The following BLTP1 variants were observed in gnomAD, a reference collection of about 807,000 sequenced individuals.
BLTP1 encodes fragile site-associated protein.
chr4:122,189,209 G>A, the BLTP1 span: 1 of 810,754 alleles, frequency 1.2e-6, no homozygotes, highest in African/African-American at 1.9e-5. Context: ...TAAACATTAA[G>A]CTTTGTGATT....
chr4:122,190,010 T>C, the BLTP1 span: 1 of 1,612,872 alleles, frequency 6.2e-7, no homozygotes, highest in East Asian at 2.2e-5. Context: ...ACCACCGAGA[T>C]TAATGGGAGA....
the BLTP1 span, among the ~76,000 whole-genome samples, chr4:122,278,843 G>A: frequency 6.6e-6 from 1 of 152,092 alleles, no homozygotes; most frequent in Non-Finnish European, 1.5e-5. Context: ...TGTTGCCCAG[G>A]CTGATTTCAA....
chr4:122,301,798 T>A, the BLTP1 span, among the ~76,000 whole-genome samples: 1 of 152,182 alleles, frequency 6.6e-6, no homozygotes. Context: ...TATGCACTTT[T>A]CCAGTTAACT....
At chr4:122,206,823 G>A in the BLTP1 span, among the ~76,000 whole-genome samples, 1 of 151,566 alleles carries the variant, frequency 6.6e-6, no homozygotes, top group Non-Finnish European at 1.5e-5. Flanking sequence ...GGCTATTTGG[G>A]TAGTGGAACA....
the BLTP1 span, among the ~76,000 whole-genome samples, chr4:122,159,559 C>T: frequency 2.0e-5 from 3 of 151,844 alleles, no homozygotes; most frequent in Non-Finnish European, 2.9e-5. Context: ...TTAGCTTTCA[C>T]TTTGTTGTTG....
the BLTP1 span, chr4:122,270,320 G>A: frequency 1.0e-6 from 1 of 978,248 alleles, no homozygotes; most frequent in East Asian, 1.1e-4. Flanking sequence ...CACATTCATA[G>A]TGTGCATGGA....
At chr4:122,271,017 G>T in the BLTP1 span, 1 of 1,580,896 alleles carries the variant, frequency 6.3e-7, no homozygotes, top group African/African-American at 1.4e-5. Flanking sequence ...CACGTTTTTA[G>T]GCAAGGCCAT....
chr4:122,250,523 C>A, the BLTP1 span: 1 of 1,613,712 alleles, frequency 6.2e-7, no homozygotes, highest in Admixed American at 1.7e-5. Flanking sequence ...TCCATGTGAC[C>A]GGACAAGCCC....
At chr4:122,334,046 C>T in the BLTP1 span, among the ~76,000 whole-genome samples, 7 of 151,996 alleles carry the variant, frequency 4.6e-5, no homozygotes, top group African/African-American at 1.2e-4. Flanking sequence ...AATTGATATT[C>T]GTAACAAACT....
chr4:122,341,902 C>G, the BLTP1 span: 3 of 732,002 alleles, frequency 4.1e-6, no homozygotes, highest in African/African-American at 5.8e-5. Context: ...GGAATGGACA[C>G]TCCCAGGAGA....
chr4:122,359,407 T>A, the BLTP1 span: 3 of 1,344,620 alleles, frequency 2.2e-6, no homozygotes, highest in Middle Eastern at 2.8e-4. Context: ...TTGGTACTTA[T>A]GGCTTATTTT....
the BLTP1 span, among the ~76,000 whole-genome samples, chr4:122,342,996 G>A: frequency 6.6e-6 from 1 of 152,078 alleles, no homozygotes; most frequent in African/African-American, 2.4e-5. Flanking sequence ...ACCTTGCCCT[G>A]TTTCCACTGC....
the BLTP1 span, chr4:122,227,538 G>T: frequency 4.4e-6 from 4 of 901,556 alleles, no homozygotes; most frequent in Non-Finnish European, 5.3e-6. Flanking sequence ...ACTTACCCTG[G>T]TTCTACAACA....
the BLTP1 span, chr4:122,339,146 T>C: frequency 6.6e-7 from 1 of 1,524,020 alleles, no homozygotes; most frequent in Non-Finnish European, 8.9e-7. Flanking sequence ...CAATATTATT[T>C]CTATTTAAAA....
chr4:122,315,712 T>G, the BLTP1 span: 1 of 1,610,598 alleles, frequency 6.2e-7, no homozygotes, highest in South Asian at 1.1e-5. Context: ...CTGTTAGAAT[T>G]TTTCAGGATT....
chr4:122,323,122 T>C, the BLTP1 span, among the ~76,000 whole-genome samples: 1 of 152,228 alleles, frequency 6.6e-6, no homozygotes, highest in Middle Eastern at 3.4e-3. Flanking sequence ...CAATTACAGT[T>C]CAGGTGTTCC....
chr4:122,261,490 T>C, the BLTP1 span: 21 of 980,470 alleles, frequency 2.1e-5, no homozygotes, highest in Non-Finnish European at 2.4e-5. Flanking sequence ...TCGGCCATTC[T>C]AATCATAGAT....
At chr4:122,224,673 C>G in the BLTP1 span, 1 of 1,613,900 alleles carries the variant, frequency 6.2e-7, no homozygotes, top group Non-Finnish European at 8.5e-7. Context: ...GTCACAGCAC[C>G]ACAGGTATGG....
chr4:122,187,528 TA>T, the BLTP1 span: 731 of 1,606,208 alleles, frequency 4.6e-4, 1 homozygote, highest in Non-Finnish European at 5.4e-4. Context: ...TAAATTCTGC[TA>T]CAATTACTGT....
Sources: allele counts gnomAD v4.1 joint callset (sites outside exome capture counted in the v4.1 genomes callset), GRCh38; gene constraint gnomAD v4.1.1; transcripts MANE v1.5; gene names NCBI Gene and HGNC (gene_info 2026-07-23, HGNC 2026-07-21).